Variants in ITSN2 observed in about 807,000 individuals in gnomAD.
ITSN2 encodes intersectin 2.
A neutral mutation model predicts 243.7 loss-of-function variants in ITSN2; 156 were observed. The observed-to-expected ratio is 0.64, with a 90% CI of 0.56 to 0.73. The LOEUF is 0.73. Ranked by LOEUF, ITSN2 falls within the 30% of genes least tolerant of loss-of-function variation. ITSN2 has a pLI of 0.00. For missense variants in ITSN2, 1,801 were observed against 1,996.1 expected (o/e 0.90, Z 1.86); for synonymous variants, 703 against 699.9 (o/e 1.00, Z -0.07).
At chr2:24,210,170 C>T in intron 34 of ITSN2, 137 bp from the exon 35 acceptor site, 1 of 631,796 alleles carries the variant, frequency 1.6e-6, no homozygotes. Context: ...ATTCACTTTG[C>T]ATGAAAGATC....
At chr2:24,337,382 G>A (rs774682196) in intron 1 of ITSN2, among the ~76,000 whole-genome samples, 10 of 81,468 alleles carry the variant, frequency 1.2e-4, no homozygotes, top group South Asian at 4.2e-4. Flanking sequence ...ACAGAGTCTC[G>A]CTCTATCACC....
intron 1 of ITSN2, among the ~76,000 whole-genome samples, chr2:24,340,453 C>G (rs1307072943): frequency 4.6e-5 from 7 of 151,694 alleles, no homozygotes; most frequent in African/African-American, 1.7e-4. Context: ...TGCACTCCAG[C>G]CTGGGTGACA....
At chr2:24,313,931 C>T (rs944525720) in intron 3 of ITSN2, among the ~76,000 whole-genome samples, 3 of 152,182 alleles carry the variant, frequency 2.0e-5, no homozygotes, top group Non-Finnish European at 4.4e-5. Flanking sequence ...GCTCTGTATA[C>T]CAATAATGTA....
At chr2:24,311,087 ATT>A (rs1021527176) in intron 5 of ITSN2, among the ~76,000 whole-genome samples, 6 of 151,742 alleles carry the variant, frequency 4.0e-5, no homozygotes, top group African/African-American at 1.5e-4. Context: ...ACACACACAC[ATT>A]CTTCTTCTCT....
chr2:24,295,935 T>A, intron 13 of ITSN2, 131 bp from the exon 14 acceptor site: 1 of 597,256 alleles, frequency 1.7e-6, no homozygotes, highest in South Asian at 3.2e-5. Context: ...AACAAATGCC[T>A]AAAACCAAGT....
At chr2:24,345,020 C>T (rs1012467056) in intron 1 of ITSN2, among the ~76,000 whole-genome samples, 1 of 152,076 alleles carries the variant, frequency 6.6e-6, no homozygotes, top group Non-Finnish European at 1.5e-5. Flanking sequence ...TAGTTCATAT[C>T]TAAATATTAT....
intron 4 of ITSN2, 49 bp downstream of exon 4, chr2:24,313,411 A>G: frequency 6.6e-7 from 1 of 1,518,774 alleles, no homozygotes; most frequent in Admixed American, 1.8e-5. Flanking sequence ...TATATTACAA[A>G]AAAACAAAAT....
At chr2:24,318,188 C>T (rs140068078) in intron 2 of ITSN2, among the ~76,000 whole-genome samples, 2,816 of 152,230 alleles carry the variant, frequency 0.018, 27 homozygotes, top group Non-Finnish European at 0.029. Flanking sequence ...CACTCTGTTG[C>T]CCAGGCTGGA....
rs1297921788 is a variant in ITSN2 at position 24,211,052 on chromosome 2, A to G, written c.4090-105T>C. On this transcript the variant is annotated intron_variant, in intron 33 of 39. Transcript: ENST00000355123. The surrounding 1 kb of genome is among the most constrained non-coding windows in gnomAD (Gnocchi z 4.1). ...CAACCCCATGTTATGGACTGCTTCC[A>G]TGCCCTGGAAACGCGGCGGTGAACA... The G allele has an allele frequency of 9.1e-7, 1 of 1,098,296 alleles. No homozygotes were observed. Among genetic ancestry groups the G allele is most frequent in the Non-Finnish European group, 1.3e-6 (1 of 755,268 alleles). The allele number at this position is 1,098,296 out of a possible 1,614,324, so 68.0% of individuals were successfully genotyped here.
intron 37 of ITSN2, chr2:24,206,304 A>G: frequency 2.4e-6 from 1 of 418,600 alleles, no homozygotes; most frequent in South Asian, 1.8e-5. Context: ...AAAGAGCTGC[A>G]ACTATAGCAG....
chr2:24,299,500 C>A (rs1260209554), intron 12 of ITSN2, among the ~76,000 whole-genome samples: 1 of 152,166 alleles, frequency 6.6e-6, no homozygotes, highest in Non-Finnish European at 1.5e-5. Context: ...CCTCTTGATT[C>A]CTCTCTAGAG....
intron 1 of ITSN2, among the ~76,000 whole-genome samples, chr2:24,350,896 G>A (rs1009109597): frequency 2.0e-5 from 3 of 152,168 alleles, no homozygotes; most frequent in African/African-American, 7.2e-5. Flanking sequence ...GTTCTTTTAA[G>A]AACGACGAAA....
chr2:24,346,577 A>T (rs1188793482), intron 1 of ITSN2, among the ~76,000 whole-genome samples: 1 of 152,218 alleles, frequency 6.6e-6, no homozygotes, highest in Non-Finnish European at 1.5e-5. Flanking sequence ...TCAGTTAATC[A>T]TAATACAATC....
intron 2 of ITSN2, among the ~76,000 whole-genome samples, chr2:24,321,418 C>T (rs2151804366): frequency 6.6e-6 from 1 of 152,294 alleles, no homozygotes; most frequent in African/African-American, 2.4e-5. Context: ...TAGGTGCTCA[C>T]TGTAATTTTT....
chr2:24,282,457 C>T (rs1221124242), intron 17 of ITSN2, among the ~76,000 whole-genome samples: 1 of 152,202 alleles, frequency 6.6e-6, no homozygotes, highest in African/African-American at 2.4e-5. Flanking sequence ...CACGTGTGAT[C>T]CAATTCTTCC....
chr2:24,319,434 G>A (rs1046698610), intron 2 of ITSN2, among the ~76,000 whole-genome samples: 3 of 152,172 alleles, frequency 2.0e-5, no homozygotes, highest in African/African-American at 7.2e-5. Flanking sequence ...AGCACCTTAT[G>A]AGTCTGCCAT....
chr2:24,210,059 T>C, intron 34 of ITSN2, 26 bp from the exon 35 acceptor site: 1 of 1,578,078 alleles, frequency 6.3e-7, no homozygotes, highest in Non-Finnish European at 8.7e-7. Flanking sequence ...AATTTCACTT[T>C]TTAAATCCCG....
At position 24,270,716 on chromosome 2, in the gene ITSN2, T is replaced by G. The variant is rs767437237; in HGVS notation, c.2310A>C (p.Ala770=). 4 of 1,604,204 alleles carry G rather than the reference T, an allele frequency of 2.5e-6. No homozygotes were observed. In the African/African-American group the frequency reaches 5.4e-5, roughly 22 times the overall value. The change falls in exon 20 of 40, where the codon GCA becomes GCC. Residue 770 remains alanine (A), a synonymous_variant. Coordinates refer to ENST00000355123, the MANE Select transcript of ITSN2 (RefSeq NM_006277.3). ...TAAAACTCATCTCATCATGGTTCCT[T>G]GCTTCAAAGGGGTATAATGCTCTAT... is the stretch of plus-strand genomic sequence containing the variant. ...VNYRALYPFE[A]RNHDEMSFNS...
chr2:24,222,252 CAAAAAAAAAAAAAA>C (rs549424233), intron 29 of ITSN2, among the ~76,000 whole-genome samples: 3 of 64,978 alleles, frequency 4.6e-5, no homozygotes, highest in Admixed American at 4.1e-4. Context: ...ACTTCATCTC[CAAAAAAAAAAAAAA>C]AAAAAAAAGC....
Sources: gnomAD v4.1 joint callset for allele counts (sites outside exome capture counted in the v4.1 genomes callset) on GRCh38, gnomAD v4.1.1 for gene constraint, Gnocchi (gnomAD v3.1) non-coding constraint, MANE v1.5 for transcripts, NCBI Gene and HGNC (gene_info 2026-07-23, HGNC 2026-07-21) for gene names.